KCNN3: variants seen among roughly 807,000 people sequenced by gnomAD.
The protein encoded by KCNN3 is small conductance calcium-activated potassium channel protein 3.
Under a neutral mutation model 62.9 loss-of-function variants are expected in KCNN3, and 16 were observed. The ratio of observed to expected loss-of-function variants is 0.25; its 90% confidence interval spans 0.17 to 0.39. KCNN3 has a LOEUF of 0.39. Ranked by LOEUF, KCNN3 falls within the 10% of genes least tolerant of loss-of-function variation. The pLI is 1.00. For synonymous variants in KCNN3, 370 were observed against 389.2 expected, an observed-to-expected ratio of 0.95 and a Z score of 0.58; for missense variants, 599 against 949.4, an observed-to-expected ratio of 0.63 and a Z score of 4.85.
chr1:154,763,626 T>C, intron 3 of KCNN3, among the ~76,000 whole-genome samples: 1 of 152,228 alleles, frequency 6.6e-6, no homozygotes, highest in East Asian at 1.9e-4. Flanking sequence ...TGTAATTTTC[T>C]AATAGCCTTT....
chr1:154,717,349 C>T (rs1023584457), intron 5 of KCNN3, among the ~76,000 whole-genome samples: 2 of 152,288 alleles, frequency 1.3e-5, no homozygotes, highest in East Asian at 3.9e-4. Context: ...TTAATATTAT[C>T]TAGCTCAAAC....
chr1:154,843,544 G>A (rs1380993991), intron 1 of KCNN3, among the ~76,000 whole-genome samples: 3 of 152,154 alleles, frequency 2.0e-5, no homozygotes, highest in Non-Finnish European at 4.4e-5. Flanking sequence ...GGGATTACAA[G>A]TGTGAGCCAC....
rs544721628 is a variant in KCNN3 at position 154,786,469 on chromosome 1, T to G, written c.1030-14076A>C. 3.9e-5 allele frequency among the ~76,000 whole-genome samples: 6 copies of G among 152,340 alleles called. No individual in the cohort carries two copies. The East Asian group carries it at 1.2e-3, about 29-fold the overall frequency. On this transcript the variant is annotated intron_variant, in intron 2 of 7. Coordinates refer to ENST00000271915, the MANE Select transcript of KCNN3 (RefSeq NM_002249.6). ...CTGGGGAACATTATGTAGCTGTTTTTAAAAATGAAGTGGATCTATATGTAT... is the reference window on the plus strand; with the variant it reads ...CTGGGGAACATTATGTAGCTGTTTTGAAAAATGAAGTGGATCTATATGTAT...
At chr1:154,865,848 A>G (rs1190800397) in intron 1 of KCNN3, among the ~76,000 whole-genome samples, 1 of 152,156 alleles carries the variant, frequency 6.6e-6, no homozygotes, top group Non-Finnish European at 1.5e-5. Context: ...GGAAAAAAAA[A>G]GTTTGTCACC....
At chr1:154,804,710 C>A (rs775257825) in intron 2 of KCNN3, among the ~76,000 whole-genome samples, 21 of 152,196 alleles carry the variant, frequency 1.4e-4, no homozygotes, top group Middle Eastern at 6.8e-3. Context: ...TAGTCCTAAT[C>A]CCTTTTACAT....
At chr1:154,804,458 C>T (rs896417539) in intron 2 of KCNN3, among the ~76,000 whole-genome samples, 18 of 152,182 alleles carry the variant, frequency 1.2e-4, no homozygotes, top group South Asian at 4.1e-4. Context: ...TCCACAGCAA[C>T]GTGGTTCCAA....
chr1:154,823,256 C>A (rs750561866), intron 1 of KCNN3, among the ~76,000 whole-genome samples: 1 of 152,122 alleles, frequency 6.6e-6, no homozygotes, highest in Non-Finnish European at 1.5e-5. Flanking sequence ...GGGAACACAG[C>A]CCTGAGCAAA....
chr1:154,860,300 G>C (rs1309790020), intron 1 of KCNN3, among the ~76,000 whole-genome samples: 1 of 152,208 alleles, frequency 6.6e-6, no homozygotes, highest in African/African-American at 2.4e-5. Flanking sequence ...TCCTAGTTCG[G>C]CTCTCCCTGT....
At chr1:154,786,717 G>A (rs995295956) in intron 2 of KCNN3, among the ~76,000 whole-genome samples, 2 of 152,156 alleles carry the variant, frequency 1.3e-5, no homozygotes, top group Admixed American at 6.5e-5. Context: ...GGTACTACTG[G>A]GGACGCAGGG....
At chr1:154,752,188 A>G (rs1647409954) in intron 3 of KCNN3, among the ~76,000 whole-genome samples, 1 of 152,138 alleles carries the variant, frequency 6.6e-6, no homozygotes, top group Non-Finnish European at 1.5e-5. Flanking sequence ...CCTTAGGTGA[A>G]CTCTGGTCTG....
intron 3 of KCNN3, among the ~76,000 whole-genome samples, chr1:154,749,840 G>A (rs766260181): frequency 7.2e-5 from 11 of 152,110 alleles, no homozygotes; most frequent in African/African-American, 2.4e-4. Context: ...GGGTCCCCAC[G>A]GCCGTGGGGC....
At chr1:154,779,198 T>C (rs994461569) in intron 2 of KCNN3, among the ~76,000 whole-genome samples, 1 of 152,212 alleles carries the variant, frequency 6.6e-6, no homozygotes, top group Non-Finnish European at 1.5e-5. Context: ...AAACGTGACC[T>C]AAATTATTAT....
At position 154,726,024 on chromosome 1, in the gene KCNN3, A is replaced by G; in HGVS notation, c.1593T>C (p.Gly531=). Residue 531 remains glycine (G), a splice_region_variant and synonymous_variant, in exon 5 of 8, where the codon GGT becomes GGC. Coordinates refer to ENST00000271915, the MANE Select transcript of KCNN3 (RefSeq NM_002249.6). The part of the protein sequence containing the change: ...KGVCLLTGIM[G]AGCTALVVAV... ...CCACCACAAGGGCAGTGCAGCCTGC[A>G]CCCTGCGGGGGGACATCAAGAGGAC... 6.2e-7 allele frequency: 1 copy of G among 1,612,838 alleles called. No homozygotes were observed. Among genetic ancestry groups the G allele is most frequent in the East Asian group, 2.2e-5 (1 of 44,870 alleles).
intron 2 of KCNN3, among the ~76,000 whole-genome samples, chr1:154,818,570 G>T (rs1316392437): frequency 6.6e-6 from 1 of 152,182 alleles, no homozygotes; most frequent in Non-Finnish European, 1.5e-5. Context: ...TGGGATTGAG[G>T]CCTGTATCAA....
At chr1:154,730,477 A>G (rs1700568685) in intron 4 of KCNN3, among the ~76,000 whole-genome samples, 2 of 152,132 alleles carry the variant, frequency 1.3e-5, no homozygotes, top group East Asian at 1.9e-4. Context: ...GGAGCTATAC[A>G]TAGTGTTGGG....
intron 2 of KCNN3, among the ~76,000 whole-genome samples, chr1:154,778,006 C>T (rs1034105817): frequency 6.6e-6 from 1 of 152,248 alleles, no homozygotes; most frequent in South Asian, 2.1e-4. Flanking sequence ...AGTGATTTCA[C>T]TCATTGAGGG....
intron 1 of KCNN3, among the ~76,000 whole-genome samples, chr1:154,826,523 C>G (rs1651138257): frequency 6.7e-6 from 1 of 148,560 alleles, no homozygotes; most frequent in Non-Finnish European, 1.5e-5. Flanking sequence ...GGTTTTACAC[C>G]CAGATCTGTC....
At chr1:154,708,569 G>A (rs1700011352) in intron 7 of KCNN3, among the ~76,000 whole-genome samples, 1 of 151,422 alleles carries the variant, frequency 6.6e-6, no homozygotes, top group Non-Finnish European at 1.5e-5. Context: ...TCTCTAAACT[G>A]TCTCATGTTC....
At chr1:154,859,008 G>A (rs1389271525) in intron 1 of KCNN3, among the ~76,000 whole-genome samples, 1 of 152,178 alleles carries the variant, frequency 6.6e-6, no homozygotes, top group Non-Finnish European at 1.5e-5. Context: ...TCTAGGGCAG[G>A]TATGGTGCCC....
Sources: gnomAD v4.1 joint callset for allele counts (sites outside exome capture counted in the v4.1 genomes callset) on GRCh38, gnomAD v4.1.1 for gene constraint, MANE v1.5 for transcripts, NCBI Gene and HGNC (gene_info 2026-07-23, HGNC 2026-07-21) for gene names.